Variants in EFCAB6 observed in about 807,000 individuals in gnomAD.
EFCAB6 encodes EF-hand calcium-binding domain-containing protein 6.
In EFCAB6, 156 loss-of-function variants were observed where a neutral mutation model predicts 169.8. The ratio of observed to expected loss-of-function variants is 0.92; its 90% CI spans 0.81 to 1.05. EFCAB6 has a LOEUF of 1.05. EFCAB6 is among the 50% of genes least tolerant of loss of function. EFCAB6 has a pLI of 0.00. For missense variants in EFCAB6, 1,800 were observed against 1,829.1 expected, an observed-to-expected ratio of 0.98 and a Z score of 0.29; for synonymous variants, 698 against 676.4, an observed-to-expected ratio of 1.03 and a Z score of -0.50.
intron 17 of EFCAB6, among the ~76,000 whole-genome samples, chr22:43,651,998 G>A (rs991701066): frequency 6.6e-6 from 1 of 152,210 alleles, no homozygotes; most frequent in Admixed American, 6.5e-5. Context: ...TGTCTTGGAT[G>A]AGACTTTGGA....
At chr22:43,612,416 G>C (rs546893063) in intron 21 of EFCAB6, among the ~76,000 whole-genome samples, 2 of 152,074 alleles carry the variant, frequency 1.3e-5, no homozygotes, top group African/African-American at 2.4e-5. Context: ...CTAACATCCA[G>C]CATCTATACG....
intron 2 of EFCAB6, among the ~76,000 whole-genome samples, chr22:43,784,541 G>GTGTATATATA (rs1556409937): frequency 6.3e-5 from 5 of 79,706 alleles, no homozygotes; most frequent in African/African-American, 2.3e-4. Context: ...GTGTGTGTGT[G>GTGTATATATA]TGTATATGTA....
At chr22:43,747,935 G>A (rs902419736) in intron 6 of EFCAB6, among the ~76,000 whole-genome samples, 1 of 152,052 alleles carries the variant, frequency 6.6e-6, no homozygotes, top group African/African-American at 2.4e-5. Context: ...GTGATATACC[G>A]CCCAATAAAC....
intron 2 of EFCAB6, among the ~76,000 whole-genome samples, chr22:43,784,632 T>C (rs1385360729): frequency 2.0e-5 from 1 of 50,308 alleles, no homozygotes; most frequent in African/African-American, 7.5e-5. Context: ...CACATATATA[T>C]GTATATGTAC....
In EFCAB6 at chr22:43,635,189, C is replaced by A; in HGVS notation, c.2011G>T (p.Asp671Tyr). ...KVLEDTGMPM[D>Y]DDQYALLTTK... The stretch of plus-strand genomic sequence containing the variant: ...GTCAGCAGGGCATACTGATCATCGT[C>A]CATGGGCATCCCAGTGTCTTCCAGT... The change falls in exon 18 of 32, where the codon GAC (aspartate) becomes TAC (tyrosine). Residue 671 changes from aspartate (D) to tyrosine (Y), a missense_variant. Asp to Tyr is a radical substitution (Grantham distance 160). Transcript: ENST00000262726. The A allele has an allele frequency of 1.9e-6, 3 of 1,614,150 alleles. No homozygotes were observed. Among genetic ancestry groups the A allele is most frequent in the Non-Finnish European group, 2.5e-6 (3 of 1,180,022 alleles).
chr22:43,611,031 G>T (rs2147655774), intron 21 of EFCAB6, among the ~76,000 whole-genome samples: 1 of 152,320 alleles, frequency 6.6e-6, no homozygotes, highest in East Asian at 1.9e-4. Context: ...AAAGATAGAA[G>T]TGGAGGGAAT....
chr22:43,625,380 C>G (rs541880532), intron 20 of EFCAB6, among the ~76,000 whole-genome samples: 1 of 152,316 alleles, frequency 6.6e-6, no homozygotes, highest in South Asian at 2.1e-4. Context: ...TAGCGCACAG[C>G]ATTTCAGAAT....
chr22:43,617,355 T>C (rs1235087027), intron 20 of EFCAB6, among the ~76,000 whole-genome samples: 1 of 152,248 alleles, frequency 6.6e-6, no homozygotes, highest in Non-Finnish European at 1.5e-5. Context: ...GAGGGGCATG[T>C]GCTATCTCAG....
At chr22:43,797,905 G>T (rs2148157003) in intron 2 of EFCAB6, among the ~76,000 whole-genome samples, 1 of 152,268 alleles carries the variant, frequency 6.6e-6, no homozygotes, top group South Asian at 2.1e-4. Flanking sequence ...CTCTTCACCT[G>T]CTGTAACCTC....
chr22:43,614,187 A>AAAAAAAAAAAAAAAAAAAAAAC, intron 21 of EFCAB6, among the ~76,000 whole-genome samples: 4 of 150,182 alleles, frequency 2.7e-5, no homozygotes, highest in Non-Finnish European at 4.4e-5. Context: ...CAAAAAAAAA[A>AAAAAAAAAAAAAAAAAAAAAAC]AAAAAAGAAC....
intron 26 of EFCAB6, among the ~76,000 whole-genome samples, chr22:43,573,487 T>G (rs764544166): frequency 1.3e-5 from 2 of 151,888 alleles, no homozygotes; most frequent in Non-Finnish European, 2.9e-5. Flanking sequence ...ATCCCAGCAC[T>G]TTGGGAGGCC....
intron 13 of EFCAB6, among the ~76,000 whole-genome samples, chr22:43,672,779 G>C (rs1294693623): frequency 6.6e-6 from 1 of 152,032 alleles, no homozygotes; most frequent in African/African-American, 2.4e-5. Flanking sequence ...TGGGTACTAG[G>C]CTTAATACTT....
chr22:43,750,075 C>A (rs1426896085), intron 6 of EFCAB6, among the ~76,000 whole-genome samples: 1 of 151,988 alleles, frequency 6.6e-6, no homozygotes, highest in Non-Finnish European at 1.5e-5. Context: ...AAACATTTAC[C>A]CCTACAATCT....
intron 2 of EFCAB6, among the ~76,000 whole-genome samples, 153 bp downstream of exon 2, chr22:43,808,842 T>C (rs1234962462): frequency 6.6e-6 from 1 of 152,112 alleles, no homozygotes; most frequent in Non-Finnish European, 1.5e-5. Context: ...TCCCCAATGC[T>C]TAGGCAGGGG....
chr22:43,636,175 G>C (rs1362066855), intron 17 of EFCAB6, among the ~76,000 whole-genome samples: 1 of 152,326 alleles, frequency 6.6e-6, no homozygotes. Flanking sequence ...TAGGAGAACT[G>C]GGTTTGCCGA....
chr22:43,574,403 T>A (rs1282320592), intron 26 of EFCAB6, among the ~76,000 whole-genome samples: 1 of 151,888 alleles, frequency 6.6e-6, no homozygotes, highest in Non-Finnish European at 1.5e-5. Context: ...CTTGCTGAGC[T>A]CAGGTGGCTA....
At chr22:43,643,992 T>C (rs2055980226) in intron 17 of EFCAB6, among the ~76,000 whole-genome samples, 1 of 151,594 alleles carries the variant, frequency 6.6e-6, no homozygotes, top group East Asian at 1.9e-4. Context: ...CCTGGCAAAT[T>C]TTTGTATTTT....
At chr22:43,793,184 G>GA (rs911088147) in intron 2 of EFCAB6, among the ~76,000 whole-genome samples, 17 of 151,162 alleles carry the variant, frequency 1.1e-4, no homozygotes, top group South Asian at 2.1e-4. Context: ...AAGACAGCAT[G>GA]AAAAAAAAAT....
intron 2 of EFCAB6, among the ~76,000 whole-genome samples, chr22:43,789,372 G>A (rs2062190672): frequency 6.6e-6 from 1 of 152,192 alleles, no homozygotes; most frequent in South Asian, 2.1e-4. Context: ...GTGAGCCAAG[G>A]GAGACGTTGC....
Sources: gnomAD v4.1 joint callset for allele counts (sites outside exome capture counted in the v4.1 genomes callset) on GRCh38, gnomAD v4.1.1 for gene constraint, MANE v1.5 for transcripts, NCBI Gene and HGNC (gene_info 2026-07-23, HGNC 2026-07-21) for gene names.